Variants in DMD observed in about 807,000 individuals in gnomAD.
The protein encoded by DMD is dystrophin.
In DMD, 63 loss-of-function variants were observed where a neutral mutation model predicts 330.1. The observed-to-expected ratio is 0.19, with a 90% confidence interval of 0.16 to 0.24. The LOEUF (loss-of-function observed/expected upper bound fraction) is 0.24, where lower values mean the gene tolerates loss of function less well. Ranked by LOEUF, DMD falls within the 10% of genes least tolerant of loss-of-function variation. The pLI is 1.00. For missense variants in DMD, 3,344 were observed against 2,684.1 expected, an observed-to-expected ratio of 1.25 and a Z score of -5.43; for synonymous variants, 1,223 against 959.8, an observed-to-expected ratio of 1.27 and a Z score of -5.07.
At chrX:32,395,117 G>T (rs1382654856) in intron 30 of DMD, among the ~76,000 whole-genome samples, 7 of 110,764 alleles carry the variant, frequency 6.3e-5, no homozygotes, top group Non-Finnish European at 9.4e-5. Flanking sequence ...TAACAAACTT[G>T]CTGCCCTCTA....
At chrX:32,333,864 G>C (rs1405905712) in intron 41 of DMD, among the ~76,000 whole-genome samples, 1 of 111,686 alleles carries the variant, frequency 9.0e-6, no homozygotes, top group Non-Finnish European at 1.9e-5. Context: ...CTCAATCCAG[G>C]TTCAGTTTCA....
At chrX:32,880,464 A>C (rs1199587698) in intron 2 of DMD, among the ~76,000 whole-genome samples, 1 of 111,234 alleles carries the variant, frequency 9.0e-6, no homozygotes, top group East Asian at 2.8e-4. Flanking sequence ...ACCCCAATAC[A>C]ACCCTAGCCA....
At chrX:31,311,867 A>G (rs1603347889) in intron 62 of DMD, among the ~76,000 whole-genome samples, 1 of 111,736 alleles carries the variant, frequency 8.9e-6, no homozygotes, top group African/African-American at 3.3e-5. Flanking sequence ...AGGATCTCCT[A>G]TTCAGTAAAC....
upstream of DMD, among the ~76,000 whole-genome samples, chrX:33,216,004 G>T (rs1000139789): frequency 9.0e-6 from 1 of 111,250 alleles, no homozygotes; most frequent in Non-Finnish European, 1.9e-5. Context: ...TGGCTCTATG[G>T]GCTCTTTTGG....
At chrX:33,084,636 T>G (rs2094977953) in intron 1 of DMD, among the ~76,000 whole-genome samples, 1 of 110,866 alleles carries the variant, frequency 9.0e-6, no homozygotes, top group Admixed American at 9.7e-5. Context: ...AAGTGCAGGG[T>G]CTGCAAATTA....
At chrX:32,662,394 G>A (rs2061003690) in intron 9 of DMD, among the ~76,000 whole-genome samples, 1 of 111,865 alleles carries the variant, frequency 8.9e-6, no homozygotes, top group Non-Finnish European at 1.9e-5. Flanking sequence ...TAAGGTAAAA[G>A]AGAAATCGTC....
chrX:32,402,501 C>T (rs1381772265), intron 30 of DMD, among the ~76,000 whole-genome samples: 1 of 111,072 alleles, frequency 9.0e-6, no homozygotes, highest in South Asian at 3.8e-4. Flanking sequence ...TGTTCTCAAC[C>T]CATGCCTCAA....
At position 31,224,857 on chromosome X, in the gene DMD, A is replaced by C. The variant is rs971434444; in HGVS notation, c.9287-1736T>G. Among the ~76,000 whole-genome samples, 3 of 111,957 alleles carry C rather than the reference A, an allele frequency of 2.7e-5. No individual in the cohort carries two copies. The Admixed American group carries it at 2.8e-4, about 11-fold the overall frequency. On this transcript the variant is annotated intron_variant, in intron 63 of 78. Coordinates refer to ENST00000357033, the MANE Select transcript of DMD (RefSeq NM_004006.3). ...GCAACAATGTGAACTGATCTGAAAA[A>C]CACTAAGCTGGGTAAAAGAAGCCAG... is the stretch of plus-strand genomic sequence containing the variant.
chrX:31,577,295 C>T (rs1046462500), intron 55 of DMD, among the ~76,000 whole-genome samples: 3 of 112,312 alleles, frequency 2.7e-5, no homozygotes, highest in African/African-American at 9.7e-5. Context: ...AAGTATTACC[C>T]GCCTTTTGAT....
rs187451209 is a variant in DMD, at chrX:31,988,516, C to T, written c.6439-20002G>A. On this transcript the variant is annotated intron_variant, in intron 44 of 78. Coordinates refer to ENST00000357033, the MANE Select transcript of DMD (RefSeq NM_004006.3). ...AAAAAAAAAAGGAAAAGAAAAAGTG[C>T]TATTTAAAAATAGCAACACTAAGAA... Among the ~76,000 whole-genome samples the T allele has an allele frequency of 5.1e-3, 512 of 100,558 alleles. 2 individuals are homozygous for T. The highest frequency in any genetic ancestry group is 7.6e-3 in the Admixed American group (70 of 9,260). 87.3% of individuals were successfully genotyped at this position (100,558 alleles called of 115,157 possible).
chrX:31,983,070 T>C (rs1174719394), intron 44 of DMD, among the ~76,000 whole-genome samples: 1 of 109,716 alleles, frequency 9.1e-6, no homozygotes, highest in Non-Finnish European at 1.9e-5. Flanking sequence ...TTCCATAAAC[T>C]TAGTTTACTT....
chrX:31,246,574 G>A (rs1271514235), intron 63 of DMD, among the ~76,000 whole-genome samples: 4 of 112,226 alleles, frequency 3.6e-5, no homozygotes, highest in Non-Finnish European at 7.5e-5. Flanking sequence ...TAATGCAGCT[G>A]GTGACTAAGT....
rs1287715135 is a variant in DMD, at chrX:32,438,253, T to A, written c.4059A>T (p.Glu1353Asp). ...CTTATCTTCATACCTCTTCATGTAG[T>A]TCCCTCCAACGAGAATTAAATGTCT... ...ELETFNSRWR[E>D]LHEEAVRRQK... is the part of the protein sequence containing the mutation. Residue 1353 changes from glutamate to aspartate, a missense_variant, in exon 29 of 79, where the codon GAA becomes GAT. Coordinates refer to ENST00000357033, the MANE Select transcript of DMD (RefSeq NM_004006.3). 4 of 1,211,275 alleles carry A rather than the reference T, an allele frequency of 3.3e-6. No individual in the cohort carries two copies. In the Middle Eastern group the frequency reaches 9.2e-4, roughly 279 times the overall value.
intron 1 of DMD, among the ~76,000 whole-genome samples, chrX:33,283,845 C>T (rs112064389): frequency 1.1e-5 from 1 of 87,182 alleles, no homozygotes; most frequent in Non-Finnish European, 2.3e-5. Flanking sequence ...GGTGAAACCT[C>T]ATCTCTACTA....
intron 7 of DMD, among the ~76,000 whole-genome samples, chrX:32,765,613 C>G (rs2072887910): frequency 8.9e-6 from 1 of 111,896 alleles, no homozygotes; most frequent in Non-Finnish European, 1.9e-5. Flanking sequence ...TATTAATTCC[C>G]TATTGAATAT....
rs1603463999 is a variant in DMD at position 31,774,017 on chromosome X, T to C, written c.7485A>G (p.Ser2495=). The C allele has an allele frequency of 8.3e-7, 1 of 1,207,554 alleles. No individual in the cohort carries two copies. The highest frequency in any genetic ancestry group is 3.0e-5 in the East Asian group (1 of 33,680). ...CAAGGTCACCCACCATCACCCTCTG[T>C]GATTTTATAACTTGATCAAGCAGAG... ...WLSLLDQVIK[S]QRVMVGDLED... Residue 2495 remains serine, a synonymous_variant, in exon 51 of 79, where the codon TCA becomes TCG. Coordinates refer to ENST00000357033, the MANE Select transcript of DMD (RefSeq NM_004006.3).
chrX:31,147,984 G>C (rs1215007653), intron 74 of DMD, among the ~76,000 whole-genome samples: 1 of 111,294 alleles, frequency 9.0e-6, no homozygotes, highest in Non-Finnish European at 1.9e-5. Flanking sequence ...ACCTCCCCTT[G>C]ATAAGTTTAT....
At chrX:32,400,929 C>A (rs2098082191) in intron 30 of DMD, among the ~76,000 whole-genome samples, 1 of 110,550 alleles carries the variant, frequency 9.0e-6, no homozygotes, top group Non-Finnish European at 1.9e-5. Flanking sequence ...TTGGAACCAA[C>A]CCAAATGTCT....
intron 23 of DMD, among the ~76,000 whole-genome samples, chrX:32,466,672 A>AGAGAGG (rs1050442374): frequency 4.5e-5 from 5 of 111,490 alleles, no homozygotes; most frequent in Non-Finnish European, 9.4e-5. Flanking sequence ...AGAGGTAGAA[A>AGAGAGG]GAGAGGGAGA....
Sources: allele counts gnomAD v4.1 joint callset (sites outside exome capture counted in the v4.1 genomes callset), GRCh38; gene constraint gnomAD v4.1.1; transcripts MANE v1.5; gene names NCBI Gene and HGNC (gene_info 2026-07-23, HGNC 2026-07-21).